Variants in NKAIN2 observed in about 807,000 individuals in gnomAD.
NKAIN2 encodes the protein sodium/potassium transporting ATPase interacting 2, also known as sodium/potassium-transporting ATPase subunit beta-1-interacting protein 2.
Under a neutral mutation model 32.6 loss-of-function variants are expected in NKAIN2, and 14 were observed. That is an observed-to-expected ratio of 0.43 (90% confidence interval 0.28 to 0.67). NKAIN2 has a LOEUF of 0.67. Ranked by LOEUF, NKAIN2 falls within the 30% of genes least tolerant of loss-of-function variation. NKAIN2 has a pLI of 0.17. For synonymous variants in NKAIN2, 80 were observed against 87.2 expected (o/e 0.92, Z 0.46); for missense variants, 198 against 258.3 (o/e 0.77, Z 1.60).
intron 3 of NKAIN2, among the ~76,000 whole-genome samples, chr6:124,627,547 G>A (rs376040190): frequency 6.6e-6 from 1 of 152,068 alleles, no homozygotes; most frequent in African/African-American, 2.4e-5. Context: ...CTCTCCAAAG[G>A]ACTGTAGTGA....
chr6:124,462,127 G>A (rs894279584), intron 3 of NKAIN2, among the ~76,000 whole-genome samples: 2 of 151,736 alleles, frequency 1.3e-5, no homozygotes, highest in African/African-American at 2.4e-5. Flanking sequence ...TCTTAGCTCC[G>A]TGAGGGGATA....
At chr6:124,400,822 T>C (rs1773594131) in intron 3 of NKAIN2, among the ~76,000 whole-genome samples, 1 of 152,200 alleles carries the variant, frequency 6.6e-6, no homozygotes. Context: ...CCCAGAACCC[T>C]TCCATGCTCA....
chr6:124,257,044 G>A (rs1168278237), intron 1 of NKAIN2, among the ~76,000 whole-genome samples: 1 of 151,328 alleles, frequency 6.6e-6, no homozygotes, highest in East Asian at 1.9e-4. Flanking sequence ...CACTGACTGG[G>A]TTTTGTTTTT....
intron 3 of NKAIN2, among the ~76,000 whole-genome samples, chr6:124,415,819 A>G (rs1283248248): frequency 2.7e-5 from 4 of 150,294 alleles, no homozygotes; most frequent in African/African-American, 9.8e-5. Context: ...TATTTTAACA[A>G]TAGCATAGGT....
chr6:124,367,030 T>C (rs1187971072), intron 3 of NKAIN2, among the ~76,000 whole-genome samples: 1 of 152,114 alleles, frequency 6.6e-6, no homozygotes, highest in African/African-American at 2.4e-5. Flanking sequence ...TTGTAATACA[T>C]ATGTACATTT....
In NKAIN2 at chr6:124,653,906, C is replaced by T. The variant is rs941698936; in HGVS notation, c.274-4280C>T. Among the ~76,000 whole-genome samples the T allele has an allele frequency of 7.9e-5, 12 of 152,182 alleles. No homozygotes were observed. In the East Asian group the frequency reaches 2.1e-3, roughly 27 times the overall value. On this transcript the variant is annotated intron_variant, in intron 3 of 6. Transcript: ENST00000368417. Reference sequence around the variant, plus strand: ...AAAATGAGCCAAAGATCTTAGCAGACATCTCACTGTAGAAGATAAACAGAT... The same window carrying T: ...AAAATGAGCCAAAGATCTTAGCAGATATCTCACTGTAGAAGATAAACAGAT...
At chr6:124,809,242 G>A (rs1448746377) in intron 5 of NKAIN2, among the ~76,000 whole-genome samples, 1 of 151,068 alleles carries the variant, frequency 6.6e-6, no homozygotes, top group South Asian at 2.1e-4. Flanking sequence ...ATACTACAAG[G>A]CTACAGTAAC....
intron 4 of NKAIN2, among the ~76,000 whole-genome samples, chr6:124,726,224 C>G (rs1393585603): frequency 4.0e-5 from 6 of 151,608 alleles, no homozygotes; most frequent in African/African-American, 1.5e-4. Context: ...AGGAGGCCTG[C>G]CTGCCTCTGT....
chr6:124,609,024 G>C (rs1470274192), intron 3 of NKAIN2, among the ~76,000 whole-genome samples: 4 of 152,152 alleles, frequency 2.6e-5, no homozygotes, highest in African/African-American at 9.7e-5. Context: ...GAGACTCTGT[G>C]GGAGTATTTG....
At chr6:123,991,736 C>T (rs1365570340) in intron 1 of NKAIN2, among the ~76,000 whole-genome samples, 1 of 151,942 alleles carries the variant, frequency 6.6e-6, no homozygotes, top group Non-Finnish European at 1.5e-5. Context: ...GTGGTGGGCG[C>T]CTGTAGTCCC....
chr6:124,234,594 T>G (rs141946782), intron 1 of NKAIN2, among the ~76,000 whole-genome samples: 61 of 152,282 alleles, frequency 4.0e-4, no homozygotes, highest in Middle Eastern at 6.8e-3. Flanking sequence ...CTATATAGGA[T>G]TTAATGCTTG....
Position 123,849,330 on chromosome 6 carries a change from C to A in NKAIN2, c.54+45076C>A, listed in dbSNP as rs1257810477. On this transcript the variant is annotated intron_variant, in intron 1 of 6. Coordinates refer to ENST00000368417, the MANE Select transcript of NKAIN2 (RefSeq NM_001040214.3). The stretch of plus-strand genomic sequence containing the variant: ...ACGAGGAAGTGTTCCTAGGAAAAAA[C>A]CAGTAGCAGAGTTGGGAAGTAGACA... Among the ~76,000 whole-genome samples the A allele has an allele frequency of 2.0e-5, 3 of 152,224 alleles. No homozygotes were observed. The East Asian group carries it at 5.8e-4, about 29-fold the overall frequency.
intron 1 of NKAIN2, among the ~76,000 whole-genome samples, chr6:124,265,125 G>A (rs1348017510): frequency 6.6e-6 from 1 of 151,888 alleles, no homozygotes; most frequent in Non-Finnish European, 1.5e-5. Context: ...ATTTTCAGAA[G>A]TCATTGAGAC....
intron 1 of NKAIN2, among the ~76,000 whole-genome samples, chr6:123,914,921 T>TG (rs1775412835): frequency 6.6e-6 from 1 of 152,176 alleles, no homozygotes; most frequent in African/African-American, 2.4e-5. Flanking sequence ...TAGTTTTAAA[T>TG]CAGCCTGCCT....
At chr6:124,651,834 ATCTTGATGAATAACACCTG>A (rs1360364707) in intron 3 of NKAIN2, among the ~76,000 whole-genome samples, 2 of 152,120 alleles carry the variant, frequency 1.3e-5, no homozygotes, top group East Asian at 3.9e-4. Flanking sequence ...ATTTTCCATT[ATCTTGATGAATAACACCTG>A]TCTTTCTTCT....
intron 1 of NKAIN2, among the ~76,000 whole-genome samples, chr6:124,204,701 T>C (rs1790769097): frequency 6.6e-6 from 1 of 151,758 alleles, no homozygotes; most frequent in African/African-American, 2.4e-5. Context: ...AAATTGTTCA[T>C]GATTAGATTG....
chr6:123,839,070 A>C (rs1400956955), intron 1 of NKAIN2, among the ~76,000 whole-genome samples: 2 of 152,180 alleles, frequency 1.3e-5, no homozygotes. Flanking sequence ...AACAGAGGGC[A>C]GCAGCTAGTT....
chr6:124,729,447 A>C (rs1048242879), intron 4 of NKAIN2, among the ~76,000 whole-genome samples: 1 of 152,044 alleles, frequency 6.6e-6, no homozygotes, highest in African/African-American at 2.4e-5. Flanking sequence ...AGCAGAGCCA[A>C]AGACAAAAAC....
chr6:124,525,661 A>C (rs1779283028), intron 3 of NKAIN2, among the ~76,000 whole-genome samples: 2 of 151,244 alleles, frequency 1.3e-5, no homozygotes, highest in South Asian at 4.2e-4. Context: ...TTTCTTCACA[A>C]CAATGTAGAG....
Sources: gnomAD v4.1 joint callset for allele counts (sites outside exome capture counted in the v4.1 genomes callset) on GRCh38, gnomAD v4.1.1 for gene constraint, MANE v1.5 for transcripts, NCBI Gene and HGNC (gene_info 2026-07-23, HGNC 2026-07-21) for gene names.